Variants in RYR2 observed in about 807,000 individuals in gnomAD.
RYR2 encodes the protein cardiac muscle ryanodine receptor-calcium release channel.
RYR2 carries 227 observed loss-of-function variants against 601.1 expected under a neutral mutation model. The ratio of observed to expected loss-of-function variants is 0.38; its 90% CI spans 0.34 to 0.42. The LOEUF (loss-of-function observed/expected upper bound fraction) is 0.42, where lower values mean the gene tolerates loss of function less well. Among genes scored for constraint, RYR2 ranks in the 10% least tolerant of loss-of-function variants. The probability of loss-of-function intolerance (pLI) is 1.00; values close to 1 mark genes in which losing one functional copy is unlikely to be tolerated. For missense variants in RYR2, 4,646 were observed against 6,156.5 expected, an observed-to-expected ratio of 0.75 and a Z score of 8.21; for synonymous variants, 2,223 against 2,175.1, an observed-to-expected ratio of 1.02 and a Z score of -0.61.
intron 1 of RYR2, among the ~76,000 whole-genome samples, chr1:237,053,845 G>C (rs1259088294): frequency 6.6e-6 from 1 of 152,172 alleles, no homozygotes; most frequent in African/African-American, 2.4e-5. Context: ...TCTAAGGCTT[G>C]GTGGAGGAGG....
intron 3 of RYR2, among the ~76,000 whole-genome samples, chr1:237,344,316 G>C (rs10925376): frequency 6.6e-5 from 10 of 152,118 alleles, no homozygotes; most frequent in African/African-American, 2.4e-4. Context: ...CCAGCAGACC[G>C]TTCCTAATTT....
chr1:237,151,287 C>T (rs1005430949), intron 1 of RYR2, among the ~76,000 whole-genome samples: 4 of 152,030 alleles, frequency 2.6e-5, no homozygotes, highest in African/African-American at 7.2e-5. Context: ...AAACAGAAAC[C>T]GAGTATGTGC....
chr1:237,634,672 A>G (rs1680687192), intron 43 of RYR2, among the ~76,000 whole-genome samples: 1 of 152,224 alleles, frequency 6.6e-6, no homozygotes, highest in South Asian at 2.1e-4. Flanking sequence ...GAGTCATTCC[A>G]CAAAGTATAC....
chr1:237,473,081 A>G (rs1005778655), intron 17 of RYR2, among the ~76,000 whole-genome samples: 2 of 151,680 alleles, frequency 1.3e-5, no homozygotes, highest in Admixed American at 1.3e-4. Context: ...TATCTACCCG[A>G]TAGGGCTGTT....
intron 29 of RYR2, among the ~76,000 whole-genome samples, chr1:237,580,671 T>G (rs1673811455): frequency 6.6e-6 from 1 of 152,208 alleles, no homozygotes; most frequent in South Asian, 2.1e-4. Flanking sequence ...TGGACTGAGT[T>G]GCATAGCTCT....
chr1:237,261,054 A>G (rs998156358), intron 1 of RYR2, among the ~76,000 whole-genome samples: 3 of 152,266 alleles, frequency 2.0e-5, no homozygotes, highest in Non-Finnish European at 4.4e-5. Context: ...CATAGATAAC[A>G]TTTTATTTGT....
intron 53 of RYR2, among the ~76,000 whole-genome samples, chr1:237,657,635 T>G (rs947656245): frequency 5.9e-5 from 9 of 151,446 alleles, no homozygotes; most frequent in Non-Finnish European, 1.2e-4. Context: ...TGTCCTAATC[T>G]TTGAATGTAT....
At chr1:237,342,831 G>A (rs957245357) in intron 3 of RYR2, among the ~76,000 whole-genome samples, 18 of 152,260 alleles carry the variant, frequency 1.2e-4, no homozygotes, top group Non-Finnish European at 2.5e-4. Context: ...TAATATTGCC[G>A]CGCACTGATT....
intron 10 of RYR2, among the ~76,000 whole-genome samples, chr1:237,391,747 T>A (rs1291252912): frequency 4.6e-5 from 7 of 152,146 alleles, no homozygotes; most frequent in South Asian, 2.1e-4. Context: ...TAGATATGTA[T>A]GTGTATGTGG....
At chr1:237,260,081 G>C (rs1485095086) in intron 1 of RYR2, among the ~76,000 whole-genome samples, 1 of 152,124 alleles carries the variant, frequency 6.6e-6, no homozygotes, top group African/African-American at 2.4e-5. Flanking sequence ...AGTGATCCAA[G>C]ATTTACAAAA....
intron 1 of RYR2, among the ~76,000 whole-genome samples, chr1:237,082,524 C>CATATATAT (rs71561856): frequency 0.11 from 8,846 of 79,502 alleles, 858 homozygotes; most frequent in Admixed American, 0.17. Context: ...AATAGGAAAA[C>CATATATAT]ATATATATAT....
intron 1 of RYR2, chr1:237,267,642 C>A (rs1245813101): frequency 7.1e-6 from 2 of 280,722 alleles, no homozygotes; most frequent in African/African-American, 2.3e-5. Flanking sequence ...AAGTGTGGCT[C>A]ATATTGAGAG....
chr1:237,122,482 G>C (rs1670900562), intron 1 of RYR2, among the ~76,000 whole-genome samples: 2 of 152,140 alleles, frequency 1.3e-5, no homozygotes, highest in Admixed American at 1.3e-4. Flanking sequence ...AGGAGTTTGA[G>C]ACCAGCCTGG....
intron 10 of RYR2, among the ~76,000 whole-genome samples, chr1:237,410,337 T>G (rs1299713463): frequency 6.6e-6 from 1 of 152,230 alleles, no homozygotes; most frequent in African/African-American, 2.4e-5. Flanking sequence ...AATGTAGATA[T>G]GAATTCTAGA....
chr1:237,593,521 G>A lies in RYR2; in HGVS notation c.4321G>A (p.Val1441Ile), dbSNP rs376638283. 10 of 1,613,916 alleles carry A rather than the reference G, an allele frequency of 6.2e-6. No individual in the cohort carries two copies. The East Asian group carries it at 6.7e-5, about 11-fold the overall frequency. ...CTTTCCTGGACAAGAACCTGCTAAT[G>A]TCTGGGTGGGCTGGATTACATCAGA... ...RIFPGQEPAN[V>I]WVGWITSDFH... Residue 1441 changes from valine (V) to isoleucine (I), a missense_variant, in exon 33 of 105, where the codon GTC becomes ATC. Around this residue, in one of 17 missense-constraint regions of RYR2, gnomAD observed 1,807 missense variants for 2,088.1 expected, o/e 0.87. Transcript: ENST00000366574.
chr1:237,828,719 A>T (rs1004716456), intron 102 of RYR2, among the ~76,000 whole-genome samples: 1 of 152,220 alleles, frequency 6.6e-6, no homozygotes, highest in Non-Finnish European at 1.5e-5. Context: ...CAAAGATTCA[A>T]TGACAAGTAA....
At chr1:237,702,124 A>G in intron 66 of RYR2, 65 bp downstream of exon 66, 1 of 902,160 alleles carries the variant, frequency 1.1e-6, no homozygotes, top group Non-Finnish European at 1.8e-6. Context: ...TATTTATTTC[A>G]AGAATCTTCA....
intron 1 of RYR2, among the ~76,000 whole-genome samples, chr1:237,227,140 TTTAG>T (rs1684456100): frequency 6.6e-6 from 1 of 152,146 alleles, no homozygotes; most frequent in African/African-American, 2.4e-5. Flanking sequence ...GGCACAAAGC[TTTAG>T]TTAGACGGGA....
At position 237,487,180 on chromosome 1, in the gene RYR2, T is replaced by G. The variant is rs1230802688; in HGVS notation, c.1709-4626T>G. On this transcript the variant is annotated intron_variant, in intron 17 of 104. Coordinates refer to ENST00000366574, the MANE Select transcript of RYR2 (RefSeq NM_001035.3). Reference sequence around the variant, plus strand: ...TGGTCTTATTGAATGTATTTAGAATTTAGTGGTCAAATGATTGTAACTATT... The same window carrying G: ...TGGTCTTATTGAATGTATTTAGAATGTAGTGGTCAAATGATTGTAACTATT... Among the ~76,000 whole-genome samples, 2 of 152,184 alleles carry G rather than the reference T, an allele frequency of 1.3e-5. 1 individual carries two copies. The highest frequency in any genetic ancestry group is 2.9e-5 in the Non-Finnish European group (2 of 68,030).
Sources: allele counts gnomAD v4.1 joint callset (sites outside exome capture counted in the v4.1 genomes callset), GRCh38; gene constraint gnomAD v4.1.1; regional missense constraint gnomAD v4.1.1; transcripts MANE v1.5; gene names NCBI Gene and HGNC (gene_info 2026-07-23, HGNC 2026-07-21).